Variants in PARP15 observed in about 807,000 individuals in gnomAD.
The protein encoded by PARP15 is protein mono-ADP-ribosyltransferase PARP15.
Under a neutral mutation model 62.1 loss-of-function variants are expected in PARP15, and 50 were observed. The observed-to-expected ratio is 0.81, with a 90% CI of 0.64 to 1.02. PARP15 has a LOEUF of 1.02. PARP15 is among the 50% of genes least tolerant of loss of function. The pLI is 0.00. For synonymous variants in PARP15, 309 were observed against 293.1 expected, an observed-to-expected ratio of 1.05 and a Z score of -0.55; for missense variants, 820 against 826.5, an observed-to-expected ratio of 0.99 and a Z score of 0.10.
chr3:122,622,325 C>G (rs937326706), intron 8 of PARP15, among the ~76,000 whole-genome samples: 5 of 152,142 alleles, frequency 3.3e-5, no homozygotes, highest in African/African-American at 4.8e-5. Flanking sequence ...AACTCATGAT[C>G]CTCTCTTGAA....
chr3:122,577,704 A>C lies in PARP15; in HGVS notation c.37A>C (p.Ser13Arg). The change falls in exon 1 of 12, where the codon AGT (serine) becomes CGT (arginine). Residue 13 changes from serine (S) to arginine (R), a missense_variant. Coordinates refer to ENST00000464300, the MANE Select transcript of PARP15 (RefSeq NM_001113523.3). ...APGPLPAAAL[S>R]PGAPTPRELM... ...AGGCCCCCTTCCTGCCGCTGCTCTG[A>C]GTCCAGGGGCTCCGACCCCCAGAGA... The C allele has an allele frequency of 6.4e-7, 1 of 1,551,654 alleles. No homozygotes were observed. Among genetic ancestry groups the C allele is most frequent in the Non-Finnish European group, 8.7e-7 (1 of 1,146,944 alleles).
In PARP15 at chr3:122,636,146, C is replaced by T. The variant is rs773014660; in HGVS notation, c.*46C>T. 1.0e-5 allele frequency: 16 copies of T among 1,538,310 alleles called. No homozygotes were observed. The highest frequency in any genetic ancestry group is 1.3e-5 in the Non-Finnish European group (15 of 1,127,546). The stretch of plus-strand genomic sequence containing the variant: ...AGATGATTTAAGTCATCTGTAAGAA[C>T]AACATGCAATCTTTGTCTTTGCTTC... On this transcript the variant is annotated 3_prime_UTR_variant, in exon 12 of 12. Transcript: ENST00000464300.
At chr3:122,606,554 C>T (rs1203819678) in intron 2 of PARP15, among the ~76,000 whole-genome samples, 1 of 152,198 alleles carries the variant, frequency 6.6e-6, no homozygotes, top group Non-Finnish European at 1.5e-5. Flanking sequence ...ACTGTTTCCT[C>T]TTCCTTGGAA....
intron 8 of PARP15, among the ~76,000 whole-genome samples, chr3:122,623,703 TTA>T: frequency 6.6e-6 from 1 of 152,172 alleles, no homozygotes; most frequent in East Asian, 1.9e-4. Context: ...GACCAGATCT[TTA>T]TGTCTTCTCT....
chr3:122,580,687 C>T (rs942595746), intron 1 of PARP15, among the ~76,000 whole-genome samples: 2 of 152,126 alleles, frequency 1.3e-5, no homozygotes, highest in Non-Finnish European at 2.9e-5. Context: ...GTCAGAATTT[C>T]CTTCCTTTTT....
At chr3:122,634,477 A>C (rs1020121182) in intron 10 of PARP15, among the ~76,000 whole-genome samples, 11 of 152,230 alleles carry the variant, frequency 7.2e-5, no homozygotes, top group African/African-American at 2.4e-4. Context: ...AGAAGAGCAG[A>C]GTTTTAAGAA....
At chr3:122,616,850 A>C (rs1362022354) in intron 5 of PARP15, among the ~76,000 whole-genome samples, 165 bp from the exon 6 acceptor site, 3 of 152,176 alleles carry the variant, frequency 2.0e-5, no homozygotes, top group African/African-American at 7.2e-5. Context: ...TTCCTTTAAA[A>C]AGAAAACCAA....
In PARP15 at chr3:122,594,651, G is replaced by A. The variant is rs1245400886; in HGVS notation, c.187-11285G>A. 4.4e-6 allele frequency: 4 copies of A among 915,970 alleles called. No individual in the cohort carries two copies. In the East Asian group the frequency reaches 4.7e-4, roughly 108 times the overall value. 56.7% of individuals were successfully genotyped at this position (915,970 alleles called of 1,614,324 possible). Reference sequence around the variant, plus strand: ...AGAAATTAGCATCTAATTTTAATTTGTGGTTATCGCCTCTAAATCAAATTA... The same window carrying A: ...AGAAATTAGCATCTAATTTTAATTTATGGTTATCGCCTCTAAATCAAATTA... On this transcript the variant is annotated intron_variant, in intron 1 of 11. Coordinates refer to ENST00000464300, the MANE Select transcript of PARP15 (RefSeq NM_001113523.3).
At chr3:122,580,567 T>G (rs560737515) in intron 1 of PARP15, among the ~76,000 whole-genome samples, 7 of 152,318 alleles carry the variant, frequency 4.6e-5, no homozygotes, top group Non-Finnish European at 8.8e-5. Context: ...GCATAGGCAA[T>G]CTTCAGAACT....
In PARP15 at chr3:122,635,857, T is replaced by G. The variant is rs749413574; in HGVS notation, c.1794T>G (p.Tyr598Ter). The part of the protein sequence containing the change: ...KGTYFAVDAS[Y>*]SAKDTYSKPD... ...CCTATTTTGCTGTGGATGCCAGTTATTCTGCCAAGGACACCTACTCCAAGC... is the reference window on the plus strand; with the variant it reads ...CCTATTTTGCTGTGGATGCCAGTTAGTCTGCCAAGGACACCTACTCCAAGC... The change falls in exon 12 of 12, where the codon TAT becomes TAG. Residue 598 changes from tyrosine (Y) to a stop codon, truncating the protein, a stop_gained. Transcript: ENST00000464300. LOFTEE classifies it low-confidence loss of function (END_TRUNC). The G allele has an allele frequency of 8.7e-6, 14 of 1,613,994 alleles. No individual in the cohort carries two copies. The Admixed American group carries it at 1.5e-4, about 17-fold the overall frequency.
At chr3:122,598,494 C>T (rs1258505465) in intron 1 of PARP15, among the ~76,000 whole-genome samples, 1 of 151,798 alleles carries the variant, frequency 6.6e-6, no homozygotes, top group Non-Finnish European at 1.5e-5. Flanking sequence ...CTTTGAGGGC[C>T]TCTCCATAGG....
chr3:122,603,435 G>A (rs181493505), intron 1 of PARP15, among the ~76,000 whole-genome samples: 2 of 152,166 alleles, frequency 1.3e-5, no homozygotes, highest in East Asian at 3.9e-4. Flanking sequence ...TAAATATCAA[G>A]TCACCAGATT....
rs902052231 is a variant in PARP15 at position 122,621,542 on chromosome 3, G to A, written c.1162G>A (p.Val388Ile). 1.2e-6 allele frequency: 2 copies of A among 1,614,060 alleles called. No homozygotes were observed. Among genetic ancestry groups the A allele is most frequent in the South Asian group, 2.2e-5 (2 of 91,062 alleles). Residue 388 changes from valine (V) to isoleucine (I), a missense_variant, in exon 8 of 12, where the codon GTC becomes ATC. Val to Ile is a conservative substitution (Grantham distance 29). Coordinates refer to ENST00000464300, the MANE Select transcript of PARP15 (RefSeq NM_001113523.3). ...TGGGGGAAAAGATGTCAGGAAAACG[G>A]TCACCAGTGTTCTAGAAGAGTGTGA... ...VPGGKDVRKT[V>I]TSVLEECEQR...
chr3:122,605,967 G>T lies in PARP15; in HGVS notation c.218G>T (p.Cys73Phe). 1 of 1,551,730 alleles carries T rather than the reference G, an allele frequency of 6.4e-7. No individual in the cohort carries two copies. Among genetic ancestry groups the T allele is most frequent in the Non-Finnish European group, 8.7e-7 (1 of 1,146,896 alleles). The change falls in exon 2 of 12, where the codon TGT becomes TTT. Residue 73 changes from cysteine to phenylalanine, a missense_variant. Transcript: ENST00000464300. ...SRDNKFSKKD[C>F]LSIRNVVASI... ...GACAACAAGTTCAGCAAGAAAGATT[G>T]TCTTTCAATCAGGAATGTTGTAGCT...
intron 1 of PARP15, among the ~76,000 whole-genome samples, chr3:122,584,573 C>CTTTTTTTTTTTTTTTTTTTTTT (rs377394521): frequency 7.3e-6 from 1 of 136,906 alleles, no homozygotes; most frequent in Non-Finnish European, 1.5e-5. Context: ...CCATTTCTTT[C>CTTTTTTTTTTTTTTTTTTTTTT]CTTTTTTTTT....
chr3:122,613,363 C>T (rs1935713853), intron 4 of PARP15, 95 bp downstream of exon 4: 2 of 1,110,838 alleles, frequency 1.8e-6, no homozygotes, highest in South Asian at 1.4e-5. Context: ...GTTTTCTAAT[C>T]CTGTGCCTAT....
intron 1 of PARP15, among the ~76,000 whole-genome samples, chr3:122,598,505 G>A (rs1177699428): frequency 6.6e-6 from 1 of 150,714 alleles, no homozygotes; most frequent in Admixed American, 6.6e-5. Context: ...TCTCCATAGG[G>A]CTGTTCATAA....
chr3:122,601,761 C>T (rs1211161245), intron 1 of PARP15, among the ~76,000 whole-genome samples: 1 of 152,126 alleles, frequency 6.6e-6, no homozygotes, highest in South Asian at 2.1e-4. Flanking sequence ...ATTGTGTGAA[C>T]AAAAGTTTTC....
intron 1 of PARP15, chr3:122,594,934 A>G (rs1934218845): frequency 1.1e-6 from 1 of 904,310 alleles, no homozygotes; most frequent in Non-Finnish European, 1.3e-6. Flanking sequence ...ACCAATGTTC[A>G]GTATTTCCCA....
Sources: gnomAD v4.1 joint callset for allele counts (sites outside exome capture counted in the v4.1 genomes callset) on GRCh38, gnomAD v4.1.1 for gene constraint, MANE v1.5 for transcripts, NCBI Gene and HGNC (gene_info 2026-07-23, HGNC 2026-07-21) for gene names.